HSD17B4: variants seen among roughly 807,000 people sequenced by gnomAD.
The protein encoded by HSD17B4 is peroxisomal multifunctional enzyme type 2.
A neutral mutation model predicts 101.0 loss-of-function variants in HSD17B4; 70 were observed. That is an observed-to-expected ratio of 0.69 (90% CI 0.57 to 0.85). The LOEUF (loss-of-function observed/expected upper bound fraction) is 0.85. HSD17B4 is among the 40% of genes least tolerant of loss of function. The probability of loss-of-function intolerance (pLI) is 0.00; values close to 1 mark genes in which losing one functional copy is unlikely to be tolerated. For synonymous variants in HSD17B4, 347 were observed against 297.1 expected (o/e 1.17, Z -1.73); for missense variants, 984 against 892.4 (o/e 1.10, Z -1.31).
At chr5:119,523,983 C>G (rs527614267) in intron 17 of HSD17B4, among the ~76,000 whole-genome samples, 1 of 152,032 alleles carries the variant, frequency 6.6e-6, no homozygotes, top group East Asian at 1.9e-4. Context: ...CAATTTCAGG[C>G]CCTGAAATGT....
intron 13 of HSD17B4, among the ~76,000 whole-genome samples, chr5:119,499,812 C>T (rs1350242915): frequency 6.6e-6 from 1 of 152,096 alleles, no homozygotes; most frequent in Non-Finnish European, 1.5e-5. Context: ...TCTCTCTCTG[C>T]CATTTACTTG....
intron 14 of HSD17B4, among the ~76,000 whole-genome samples, chr5:119,503,166 A>C (rs1468330121): frequency 6.6e-6 from 1 of 150,692 alleles, no homozygotes; most frequent in African/African-American, 2.4e-5. Context: ...GACAGTGGCT[A>C]GGAAGCTCCT....
rs2126873548 is a variant in HSD17B4, at chr5:119,525,254, A to G, written c.1542A>G (p.Leu514=). The change falls in exon 18 of 24, where the codon TTA becomes TTG. Residue 514 remains leucine (L), a synonymous_variant. Transcript: ENST00000510025. ...LYRLSGDWNP[L]HIDPNFASLA... ...GCCTCAGTGGAGACTGGAATCCCTT[A>G]CACATTGATCCTAACTTTGCTAGTC... The G allele has an allele frequency of 6.2e-7, 1 of 1,612,254 alleles. No homozygotes were observed. Among genetic ancestry groups the G allele is most frequent in the Non-Finnish European group, 8.5e-7 (1 of 1,178,564 alleles).
chr5:119,468,541 A>G (rs536870784), intron 2 of HSD17B4, among the ~76,000 whole-genome samples: 2 of 151,884 alleles, frequency 1.3e-5, no homozygotes, highest in East Asian at 3.9e-4. Flanking sequence ...GCTGTTTTTA[A>G]TATTCTCTTT....
At position 119,483,360 on chromosome 5, in the gene HSD17B4, G is replaced by T. The variant is rs138113832; in HGVS notation, c.622+4339G>T. Among the ~76,000 whole-genome samples the T allele has an allele frequency of 1.4e-3, 216 of 152,202 alleles. 1 individual carries two copies. The highest frequency in any genetic ancestry group is 5.1e-3 in the African/African-American group (211 of 41,534). ...TTTGCCCTGTGACCTGAATTCTCTG[G>T]TGCTGATAAGCAGAGTTGTTGATTT... On this transcript the variant is annotated intron_variant, in intron 8 of 23. Coordinates refer to ENST00000510025, the MANE Select transcript of HSD17B4 (RefSeq NM_000414.4).
At chr5:119,526,106 G>T (rs1753571137) in intron 19 of HSD17B4, 83 bp downstream of exon 19, 1 of 825,098 alleles carries the variant, frequency 1.2e-6, no homozygotes, top group African/African-American at 1.7e-5. Flanking sequence ...TGATTTAATT[G>T]AAAATAGATA....
At chr5:119,471,368 C>T in intron 2 of HSD17B4, among the ~76,000 whole-genome samples, 1 of 151,958 alleles carries the variant, frequency 6.6e-6, no homozygotes, top group Non-Finnish European at 1.5e-5. Context: ...AATCTCAGTC[C>T]ACATTTTGAA....
At chr5:119,501,410 G>C (rs1452603374) in intron 13 of HSD17B4, among the ~76,000 whole-genome samples, 2 of 151,434 alleles carry the variant, frequency 1.3e-5, no homozygotes, top group Non-Finnish European at 2.9e-5. Flanking sequence ...TATGCTTCAA[G>C]TTTTGGTTTT....
At chr5:119,536,776 A>G (rs1053037179) in intron 23 of HSD17B4, among the ~76,000 whole-genome samples, 3 of 152,200 alleles carry the variant, frequency 2.0e-5, no homozygotes, top group East Asian at 1.9e-4. Flanking sequence ...ATTTTTTAAT[A>G]TATTCTGTTA....
intron 2 of HSD17B4, among the ~76,000 whole-genome samples, chr5:119,460,227 T>G (rs545900988): frequency 2.9e-4 from 44 of 152,292 alleles, no homozygotes; most frequent in African/African-American, 1.0e-3. Context: ...CAATGTGAGT[T>G]TTGGAGGGGC....
At chr5:119,499,286 G>T (rs1396037096) in intron 12 of HSD17B4, 31 bp from the exon 13 acceptor site, 3 of 1,452,038 alleles carry the variant, frequency 2.1e-6, no homozygotes, top group South Asian at 2.3e-5. Flanking sequence ...AGTTATCAAT[G>T]AAATAAATTA....
intron 23 of HSD17B4, among the ~76,000 whole-genome samples, chr5:119,539,466 GA>G (rs1307644790): frequency 1.3e-5 from 2 of 151,724 alleles, no homozygotes; most frequent in Admixed American, 1.3e-4. Context: ...ATAGCATTAG[GA>G]GATATACCTA....
chr5:119,515,497 A>C (rs780420552), intron 17 of HSD17B4, among the ~76,000 whole-genome samples: 2 of 152,186 alleles, frequency 1.3e-5, no homozygotes, highest in Non-Finnish European at 2.9e-5. Context: ...TGTAAAGGAT[A>C]GGCAAATAAA....
rs1210610644 is a variant in HSD17B4, at chr5:119,542,193, C to G, written c.*199C>G. 5.8e-6 allele frequency: 3 copies of G among 520,634 alleles called. No individual in the cohort carries two copies. The highest frequency in any genetic ancestry group is 4.4e-5 in the South Asian group (2 of 45,440). 32.3% of individuals were successfully genotyped at this position (520,634 alleles called of 1,614,324 possible). On this transcript the variant is annotated 3_prime_UTR_variant, in exon 24 of 24. Transcript: ENST00000510025. The stretch of plus-strand genomic sequence containing the variant: ...ATTTTTACAAGGAACTATATATAAG[C>G]TAGCACATAATTATCCTTCTGTTCT...
At chr5:119,479,111 T>A in intron 8 of HSD17B4, 90 bp downstream of exon 8, 1 of 945,558 alleles carries the variant, frequency 1.1e-6, no homozygotes, top group Non-Finnish European at 1.7e-6. Context: ...TCTGAATACT[T>A]AAAAATTATT....
rs561419407 is a variant in HSD17B4, at chr5:119,484,258, A to G, written c.623-4934A>G. 5.3e-5 allele frequency among the ~76,000 whole-genome samples: 8 copies of G among 152,298 alleles called. No individual in the cohort carries two copies. In the South Asian group the frequency reaches 1.0e-3, roughly 20 times the overall value. On this transcript the variant is annotated intron_variant, in intron 8 of 23. Transcript: ENST00000510025. ...TTCAAGAATCTAATTCTTTTGTTCT[A>G]TAGACTATTCCTCATTCTTGATTTG... is the stretch of plus-strand genomic sequence containing the variant.
intron 2 of HSD17B4, among the ~76,000 whole-genome samples, chr5:119,463,337 G>C (rs1755453879): frequency 6.6e-6 from 1 of 152,142 alleles, no homozygotes; most frequent in Admixed American, 6.5e-5. Flanking sequence ...ATACCTCTTT[G>C]ACATACTGAT....
intron 22 of HSD17B4, among the ~76,000 whole-genome samples, chr5:119,533,761 A>G (rs989322924): frequency 2.0e-5 from 3 of 152,122 alleles, no homozygotes; most frequent in Non-Finnish European, 4.4e-5. Flanking sequence ...AGTTGGAACC[A>G]AGAACGTTGG....
Position 119,496,682 on chromosome 5 carries a change from C to G in HSD17B4, c.972+36C>G, listed in dbSNP as rs1231157168. ...AAAAAGCCTAAAGCGTTTGCCTTCTCTGGAGACTTTCCCTCCCTTCTTCCC... is the reference window on the plus strand; with the variant it reads ...AAAAAGCCTAAAGCGTTTGCCTTCTGTGGAGACTTTCCCTCCCTTCTTCCC... On this transcript the variant is annotated intron_variant, in intron 12 of 23. Transcript: ENST00000510025. 3 of 1,120,356 alleles carry G rather than the reference C, an allele frequency of 2.7e-6. No homozygotes were observed. The African/African-American group carries it at 4.6e-5, about 17-fold the overall frequency. The allele number at this position is 1,120,356 out of a possible 1,614,324, so 69.4% of individuals were successfully genotyped here.
Sources: gnomAD v4.1 joint callset for allele counts (sites outside exome capture counted in the v4.1 genomes callset) on GRCh38, gnomAD v4.1.1 for gene constraint, MANE v1.5 for transcripts, NCBI Gene and HGNC (gene_info 2026-07-23, HGNC 2026-07-21) for gene names.